The following INPP4B variants were observed in gnomAD, a reference collection of about 807,000 sequenced individuals.
INPP4B encodes the protein inositol polyphosphate 4-phosphatase type II.
A neutral mutation model predicts 122.5 loss-of-function variants in INPP4B; 55 were observed. The ratio of observed to expected loss-of-function variants is 0.45; its 90% CI spans 0.36 to 0.56. The LOEUF (loss-of-function observed/expected upper bound fraction) is 0.56. Among genes scored for constraint, INPP4B ranks in the 20% least tolerant of loss-of-function variants. INPP4B has a pLI of 0.00. For missense variants in INPP4B, 1,000 were observed against 1,097.7 expected, an observed-to-expected ratio of 0.91 and a Z score of 1.26; for synonymous variants, 403 against 388.7, an observed-to-expected ratio of 1.04 and a Z score of -0.43.
At chr4:142,480,730 C>A (rs1033081381) in intron 2 of INPP4B, among the ~76,000 whole-genome samples, 1 of 152,014 alleles carries the variant, frequency 6.6e-6, no homozygotes, top group East Asian at 1.9e-4. Flanking sequence ...GTAAAATTGG[C>A]ATCTAAAATA....
chr4:142,526,511 G>T lies in INPP4B; in HGVS notation c.-190-63785C>A, dbSNP rs556555018. 2.0e-5 allele frequency among the ~76,000 whole-genome samples: 3 copies of T among 152,176 alleles called. No individual in the cohort carries two copies. In the South Asian group the frequency reaches 6.2e-4, roughly 32 times the overall value. On this transcript the variant is annotated intron_variant, in intron 2 of 25. Transcript: ENST00000262992. Reference sequence around the variant, plus strand: ...CATCAATTCCAGCTGTAAAGGATCAGTTGAGCCGTGGCTACAGGATCAATT... The same window carrying T: ...CATCAATTCCAGCTGTAAAGGATCATTTGAGCCGTGGCTACAGGATCAATT...
chr4:142,720,987 G>A (rs1199306521), intron 2 of INPP4B, among the ~76,000 whole-genome samples: 1 of 148,428 alleles, frequency 6.7e-6, no homozygotes, highest in Admixed American at 6.8e-5. Flanking sequence ...ATACATTTAT[G>A]TTCAAGCGTG....
chr4:142,099,030 G>T (rs1365683096), intron 23 of INPP4B, among the ~76,000 whole-genome samples: 1 of 152,106 alleles, frequency 6.6e-6, no homozygotes, highest in African/African-American at 2.4e-5. Flanking sequence ...AGTGACAAAA[G>T]AAGTAAGAAA....
chr4:142,416,886 G>C (rs1182972965), intron 5 of INPP4B, among the ~76,000 whole-genome samples: 1 of 152,194 alleles, frequency 6.6e-6, no homozygotes, highest in African/African-American at 2.4e-5. Context: ...GCTAAAGCTA[G>C]AAATGACTAG....
At chr4:142,448,329 CA>C (rs71586289) in intron 3 of INPP4B, among the ~76,000 whole-genome samples, 4,310 of 62,072 alleles carry the variant, frequency 0.069, 25 homozygotes, top group Admixed American at 0.084. Flanking sequence ...TATCCATCTC[CA>C]AAAAAAAAAA....
intron 18 of INPP4B, among the ~76,000 whole-genome samples, chr4:142,127,031 G>A (rs1185528094): frequency 2.0e-5 from 3 of 152,128 alleles, no homozygotes; most frequent in Admixed American, 6.6e-5. Context: ...GTAGAGATTT[G>A]TTTCTACTAG....
In INPP4B at chr4:142,061,932, ATATATAT is replaced by A. The variant is rs1457125011; in HGVS notation, c.2642+20092_2642+20098del. On this transcript the variant is annotated intron_variant, in intron 25 of 25. Coordinates refer to ENST00000262992, the MANE Select transcript of INPP4B (RefSeq NM_001101669.3). ...TATATATATATATATATATATATAT[ATATATAT>A]ATCTGTAACTTTGGTCTCCAAAGCA... Among the ~76,000 whole-genome samples the A allele has an allele frequency of 1.1e-3, 139 of 125,812 alleles. 1 individual carries two copies. The highest frequency in any genetic ancestry group is 4.4e-3 in the African/African-American group (129 of 29,098). The allele number at this position is 125,812 out of a possible 152,430, so 82.5% of individuals were successfully genotyped here. A position where few individuals can be genotyped will look rare whatever the true frequency, so the allele number is the denominator to read the frequency against.
chr4:142,040,933 C>T (rs917946875), intron 25 of INPP4B, among the ~76,000 whole-genome samples: 1 of 152,160 alleles, frequency 6.6e-6, no homozygotes, highest in Admixed American at 6.5e-5. Context: ...CCTTCTGATT[C>T]TATTCTTGAT....
chr4:142,623,412 C>T (rs1185293670), intron 2 of INPP4B, among the ~76,000 whole-genome samples: 4 of 151,878 alleles, frequency 2.6e-5, no homozygotes, highest in Non-Finnish European at 5.9e-5. Context: ...CAAGCTGACA[C>T]CTTTTGGCAA....
At chr4:142,491,222 A>G (rs557474843) in intron 2 of INPP4B, among the ~76,000 whole-genome samples, 32 of 152,186 alleles carry the variant, frequency 2.1e-4, no homozygotes, top group Admixed American at 1.6e-3. Context: ...TTGTATCTTT[A>G]TCTCACCTTT....
At chr4:142,301,435 T>A (rs978836151) in intron 9 of INPP4B, among the ~76,000 whole-genome samples, 1 of 152,098 alleles carries the variant, frequency 6.6e-6, no homozygotes, top group Non-Finnish European at 1.5e-5. Flanking sequence ...TACTAGGTAG[T>A]AAAATAAAAG....
chr4:142,035,559 G>A (rs1743334853), intron 25 of INPP4B, among the ~76,000 whole-genome samples: 1 of 152,194 alleles, frequency 6.6e-6, no homozygotes, highest in Non-Finnish European at 1.5e-5. Flanking sequence ...TGTACCAGGA[G>A]GTGGGTGGAG....
rs182140033 is a variant in INPP4B, at chr4:142,583,966, G to A, written c.-190-121240C>T. 1.7e-3 allele frequency among the ~76,000 whole-genome samples: 258 copies of A among 151,934 alleles called. 1 individual carries two copies. The highest frequency in any genetic ancestry group is 5.7e-3 in the African/African-American group (238 of 41,494). ...AATTAAAACTTCAATCTCTCAGTAAGTTTAAATCTTCTCTTCATCCCTCTC... is the reference window on the plus strand; with the variant it reads ...AATTAAAACTTCAATCTCTCAGTAAATTTAAATCTTCTCTTCATCCCTCTC... On this transcript the variant is annotated intron_variant, in intron 2 of 25. Coordinates refer to ENST00000262992, the MANE Select transcript of INPP4B (RefSeq NM_001101669.3).
chr4:142,048,105 C>A (rs1418880061), intron 25 of INPP4B, among the ~76,000 whole-genome samples: 7 of 152,098 alleles, frequency 4.6e-5, no homozygotes, highest in Non-Finnish European at 1.0e-4. Flanking sequence ...TACAAAGATC[C>A]ATTCTGCAAA....
At chr4:142,759,266 T>A (rs942014279) in intron 1 of INPP4B, among the ~76,000 whole-genome samples, 1 of 152,154 alleles carries the variant, frequency 6.6e-6, no homozygotes, top group African/African-American at 2.4e-5. Flanking sequence ...AAACCCCTGT[T>A]TTGTATTCAA....
At chr4:142,784,931 T>TA (rs1775522992) in intron 1 of INPP4B, among the ~76,000 whole-genome samples, 1 of 152,000 alleles carries the variant, frequency 6.6e-6, no homozygotes, top group South Asian at 2.1e-4. Context: ...AGCTAAGAAA[T>TA]ACTTGTGGAG....
chr4:142,644,093 T>A (rs563152651), intron 2 of INPP4B, among the ~76,000 whole-genome samples: 45 of 151,750 alleles, frequency 3.0e-4, no homozygotes, highest in Admixed American at 2.1e-3. Context: ...CCTAGCTACT[T>A]GGGAGACAAG....
At chr4:142,072,243 G>A (rs1034336219) in intron 25 of INPP4B, among the ~76,000 whole-genome samples, 2 of 151,828 alleles carry the variant, frequency 1.3e-5, no homozygotes, top group Non-Finnish European at 2.9e-5. Context: ...AGGACAGAAA[G>A]CCAAACACCA....
chr4:142,152,312 T>C (rs1291207799), intron 17 of INPP4B, among the ~76,000 whole-genome samples: 2 of 151,934 alleles, frequency 1.3e-5, no homozygotes, highest in African/African-American at 4.8e-5. Context: ...CCTGAGCTCA[T>C]GATCCACCCG....
Sources: allele counts gnomAD v4.1 joint callset (sites outside exome capture counted in the v4.1 genomes callset), GRCh38; gene constraint gnomAD v4.1.1; transcripts MANE v1.5; gene names NCBI Gene and HGNC (gene_info 2026-07-23, HGNC 2026-07-21).